TRAF1: variants seen among roughly 807,000 people sequenced by gnomAD.
The protein encoded by TRAF1 is TNF receptor associated factor 1.
TRAF1 carries 23 observed loss-of-function variants against 40.9 expected under a neutral mutation model. The ratio of observed to expected loss-of-function variants is 0.56; its 90% CI spans 0.40 to 0.80. TRAF1 has a LOEUF of 0.80. TRAF1 is among the 30% of genes least tolerant of loss of function. The probability of loss-of-function intolerance (pLI) is 0.00; values close to 1 mark genes in which losing one functional copy is unlikely to be tolerated. For synonymous variants in TRAF1, 206 were observed against 218.8 expected, an observed-to-expected ratio of 0.94 and a Z score of 0.52; for missense variants, 477 against 528.7, an observed-to-expected ratio of 0.90 and a Z score of 0.96.
At chr9:120,927,961 G>A (rs3761847), upstream of TRAF1, 80,361 of 152,006 alleles carry the variant, frequency 0.53, 21,763 homozygotes, top group South Asian at 0.7. Flanking sequence ...TCTCCCCTCC[G>A]GCCTCAATAC....
In TRAF1 at chr9:120,904,790, G is replaced by A; in HGVS notation, c.*230C>T. The A allele has an allele frequency of 1.7e-6, 1 of 579,772 alleles. No individual in the cohort carries two copies. Among genetic ancestry groups the A allele is most frequent in the East Asian group, 2.9e-5 (1 of 34,328 alleles). The allele number at this position is 579,772 out of a possible 1,614,324, so 35.9% of individuals were successfully genotyped here. A position where few individuals can be genotyped will look rare whatever the true frequency, so the allele number is the denominator to read the frequency against. On this transcript the variant is annotated 3_prime_UTR_variant, in exon 8 of 8. Transcript: ENST00000373887. Reference sequence around the variant, plus strand: ...CCAGTGTCGCATGGTCCGTGCAGAGGGGAGCAGCTCTGCCTGTCTCCTTCT... The same window carrying A: ...CCAGTGTCGCATGGTCCGTGCAGAGAGGAGCAGCTCTGCCTGTCTCCTTCT...
At chr9:120,925,771 C>A (rs765943703) in intron 2 of TRAF1, among the ~76,000 whole-genome samples, 165 bp downstream of exon 2, 4 of 152,220 alleles carry the variant, frequency 2.6e-5, no homozygotes, top group Non-Finnish European at 5.9e-5. Flanking sequence ...TCCACCACAG[C>A]CAGAGGGGCA....
At chr9:120,920,661 T>C (rs559575388) in intron 3 of TRAF1, among the ~76,000 whole-genome samples, 115 of 152,218 alleles carry the variant, frequency 7.6e-4, no homozygotes, top group Admixed American at 1.4e-3. Flanking sequence ...AGTCTCTAAC[T>C]AGGTCAACAT....
intron 4 of TRAF1, 25 bp downstream of exon 4, chr9:120,914,210 T>A (rs1380061368): frequency 2.0e-6 from 3 of 1,488,840 alleles, no homozygotes; most frequent in Non-Finnish European, 2.7e-6. Context: ...TGGATAGATC[T>A]CCTTTCTCAC....
chr9:120,908,646 G>A (rs1588148157), intron 7 of TRAF1, among the ~76,000 whole-genome samples: 3 of 151,774 alleles, frequency 2.0e-5, no homozygotes, highest in Non-Finnish European at 4.4e-5. Context: ...TGCAACCTCC[G>A]CCTCCCAGGT....
In TRAF1 at chr9:120,911,376, A is replaced by G; in HGVS notation, c.843T>C (p.His281=). 6.2e-7 allele frequency: 1 copy of G among 1,613,624 alleles called. No homozygotes were observed. The highest frequency in any genetic ancestry group is 1.3e-5 in the African/African-American group (1 of 75,052). Residue 281 remains histidine (H), a synonymous_variant, in exon 6 of 8, where the codon CAT becomes CAC. Coordinates refer to ENST00000373887, the MANE Select transcript of TRAF1 (RefSeq NM_005658.5). ...TGACGGTCCTGCCACAGGCCGACTC[A>G]TGGCACCGCCTGGTGACATTGGTGA... The part of the protein sequence containing the change: ...WKITNVTRRC[H]ESACGRTVSL...
intron 5 of TRAF1, 133 bp downstream of exon 5, chr9:120,913,195 A>T (rs1270034792): frequency 3.5e-6 from 4 of 1,156,226 alleles, no homozygotes; most frequent in Non-Finnish European, 4.8e-6. Context: ...AGGGTGTGGG[A>T]TAAAGGGGAG....
chr9:120,924,419 G>T (rs976091453), intron 2 of TRAF1, among the ~76,000 whole-genome samples: 4 of 151,468 alleles, frequency 2.6e-5, no homozygotes, highest in East Asian at 1.9e-4. Context: ...TTTTTTGGGG[G>T]TTTTTCTTTT....
At chr9:120,913,301 G>T in intron 5 of TRAF1, 27 bp downstream of exon 5, 6 of 1,571,472 alleles carry the variant, frequency 3.8e-6, no homozygotes, top group Non-Finnish European at 5.2e-6. Flanking sequence ...AGCCGGGCTT[G>T]AAGGCAAACC....
intron 3 of TRAF1, among the ~76,000 whole-genome samples, chr9:120,914,958 A>G (rs1208755186): frequency 1.3e-5 from 2 of 152,132 alleles, no homozygotes; most frequent in Admixed American, 6.5e-5. Context: ...TCCTTACAGC[A>G]TGGTGGGGAA....
chr9:120,912,900 T>C, intron 5 of TRAF1, among the ~76,000 whole-genome samples: 1 of 152,142 alleles, frequency 6.6e-6, no homozygotes, highest in East Asian at 1.9e-4. Context: ...AGCACTCAGG[T>C]AGGACAGAAT....
In TRAF1 at chr9:120,911,490, C is replaced by A; in HGVS notation, c.729G>T (p.Leu243=). ...EQRVVELQQT[L]AQKDQALGKL... ...TGCCCAGGGCCTGGTCTTTCTGGGC[C>A]AGGGTCTGCTGAAGCTCCACCACCT... Residue 243 remains leucine (L), a synonymous_variant, in exon 6 of 8, where the codon CTG becomes CTT. Transcript: ENST00000373887. 6.2e-7 allele frequency: 1 copy of A among 1,612,650 alleles called. No individual in the cohort carries two copies.
At chr9:120,923,042 T>A (rs899100258) in intron 3 of TRAF1, among the ~76,000 whole-genome samples, 2 of 152,172 alleles carry the variant, frequency 1.3e-5, no homozygotes, top group African/African-American at 4.8e-5. Flanking sequence ...TTTCATCATG[T>A]TGCCCAGGCT....
intron 3 of TRAF1, among the ~76,000 whole-genome samples, chr9:120,917,791 G>A (rs772770401): frequency 2.6e-4 from 40 of 152,050 alleles, no homozygotes; most frequent in Admixed American, 1.6e-3. Flanking sequence ...GGGCCTCCTG[G>A]ATAATCCAAG....
At chr9:120,928,748 G>C (rs1488753487), upstream of TRAF1, 1 of 152,252 alleles carries the variant, frequency 6.6e-6, no homozygotes, top group African/African-American at 2.4e-5. Context: ...GCGCCTGCCG[G>C]CGCCAGCACA....
chr9:120,914,572 C>A (rs1430596809), intron 3 of TRAF1: 2 of 1,112,720 alleles, frequency 1.8e-6, no homozygotes, highest in African/African-American at 3.2e-5. Flanking sequence ...CCGTAATCAT[C>A]ACTCACTCTC....
Position 120,926,175 on chromosome 9 carries a change from G to T in TRAF1, c.-100C>A. On this transcript the variant is annotated 5_prime_UTR_variant, in exon 2 of 8. Coordinates refer to ENST00000373887, the MANE Select transcript of TRAF1 (RefSeq NM_005658.5). ...CCTGGGCCTCACTCTCTGGTGAGTA[G>T]GAGCTCTGATGACTTTATCTTCTTC... 1 of 1,310,876 alleles carries T rather than the reference G, an allele frequency of 7.6e-7. No individual in the cohort carries two copies. The highest frequency in any genetic ancestry group is 1.0e-6 in the Non-Finnish European group (1 of 982,714). 81.2% of individuals were successfully genotyped at this position (1,310,876 alleles called of 1,614,324 possible).
At position 120,922,761 on chromosome 9, in the gene TRAF1, T is replaced by C. The variant is rs993777546; in HGVS notation, c.228+944A>G. Among the ~76,000 whole-genome samples, 8 of 151,942 alleles carry C rather than the reference T, an allele frequency of 5.3e-5. 1 individual carries two copies. The highest frequency in any genetic ancestry group is 5.9e-5 in the Non-Finnish European group (4 of 67,996). Reference sequence around the variant, plus strand: ...TGCTAACCTTTTTTATGTAAAGGGGTGGATAGTAAATATTTTGGGCTATGA... The same window carrying C: ...TGCTAACCTTTTTTATGTAAAGGGGCGGATAGTAAATATTTTGGGCTATGA... On this transcript the variant is annotated intron_variant, in intron 3 of 7. Coordinates refer to ENST00000373887, the MANE Select transcript of TRAF1 (RefSeq NM_005658.5).
intron 4 of TRAF1, among the ~76,000 whole-genome samples, chr9:120,913,988 G>A (rs1482068729): frequency 6.6e-6 from 1 of 152,186 alleles, no homozygotes; most frequent in Non-Finnish European, 1.5e-5. Context: ...CCATGGAGAG[G>A]GGCATTGGGG....
Sources: allele counts gnomAD v4.1 joint callset (sites outside exome capture counted in the v4.1 genomes callset), GRCh38; gene constraint gnomAD v4.1.1; transcripts MANE v1.5; gene names NCBI Gene and HGNC (gene_info 2026-07-23, HGNC 2026-07-21).